The following ITGA10 variants were observed in gnomAD, a reference collection of about 807,000 sequenced individuals.
ITGA10 encodes integrin subunit alpha 10.
In ITGA10, 105 loss-of-function variants were observed where a neutral mutation model predicts 145.2. The observed-to-expected ratio is 0.72, with a 90% CI of 0.62 to 0.85. The LOEUF is 0.85. Among genes scored for constraint, ITGA10 ranks in the 40% least tolerant of loss-of-function variants. ITGA10 has a pLI of 0.00. For missense variants in ITGA10, 1,317 were observed against 1,444.5 expected, an observed-to-expected ratio of 0.91 and a Z score of 1.43; for synonymous variants, 506 against 557.8, an observed-to-expected ratio of 0.91 and a Z score of 1.31.
Position 145,892,417 on chromosome 1 carries a change from C to T in ITGA10, c.*381G>A, listed in dbSNP as rs115479360. On this transcript the variant is annotated 3_prime_UTR_variant, in exon 30 of 30. Transcript: ENST00000369304. ...GGGTGGAAGAATCGAGGAAGATAAC[C>T]CTCATCCTTTCCAAACTGTGAGGGA... 0.023 allele frequency: 4,272 copies of T among 182,264 alleles called. 223 individuals carry two copies. Among genetic ancestry groups the T allele is most frequent in the African/African-American group, 0.096 (4,074 of 42,358 alleles). 11.3% of individuals were successfully genotyped at this position (182,264 alleles called of 1,614,324 possible).
Position 145,901,046 on chromosome 1 carries a change from G to A in ITGA10, c.1588-53C>T. ...CTAATCTGGCAGACCCAACCTCTCA[G>A]CAAACCCTCAAATATGTGCACCTTC... On this transcript the variant is annotated intron_variant, in intron 13 of 29. Coordinates refer to ENST00000369304, the MANE Select transcript of ITGA10 (RefSeq NM_003637.5). This position sits in a 1 kb window ranked among gnomAD's most constrained non-coding sequence, Gnocchi z 4.3. 6.2e-7 allele frequency: 1 copy of A among 1,612,910 alleles called. No individual in the cohort carries two copies.
In ITGA10 at chr1:145,897,610, C is replaced by T. The variant is rs1553745709; in HGVS notation, c.2476G>A (p.Val826Ile). 2 of 1,614,078 alleles carry T rather than the reference C, an allele frequency of 1.2e-6. No individual in the cohort carries two copies. The highest frequency in any genetic ancestry group is 1.1e-5 in the South Asian group (1 of 91,074). Residue 826 changes from valine to isoleucine, a missense_variant, in exon 20 of 30, where the codon GTA (valine) becomes ATA (isoleucine). Coordinates refer to ENST00000369304, the MANE Select transcript of ITGA10 (RefSeq NM_003637.5). ...TTTCTGTTCTCCAGAGTTGTAGATA[C>T]CAGCACTTTCCGCCGGCCACCTCGA... ...VVRGGRRKVL[V>I]STTLENRKEN...
intron 1 of ITGA10, among the ~76,000 whole-genome samples, chr1:145,908,589 T>G (rs1448903295): frequency 2.0e-5 from 3 of 152,202 alleles, no homozygotes; most frequent in African/African-American, 7.2e-5. Context: ...AAACAATGAT[T>G]ACAGGGCACT....
At chr1:145,907,951 T>C (rs1422127642) in intron 1 of ITGA10, among the ~76,000 whole-genome samples, 1 of 151,750 alleles carries the variant, frequency 6.6e-6, no homozygotes, top group African/African-American at 2.4e-5. Flanking sequence ...TTCTTATTTT[T>C]AGTAGAGACG....
At chr1:145,906,373 C>T (rs1474773182) in intron 5 of ITGA10, 21 bp downstream of exon 5, 1 of 1,588,472 alleles carries the variant, frequency 6.3e-7, no homozygotes, top group Non-Finnish European at 8.6e-7. Context: ...GAACCAAGTA[C>T]TCAGCCTTCC....
At position 145,900,821 on chromosome 1, in the gene ITGA10, G is replaced by C; in HGVS notation, c.1760C>G (p.Thr587Ser). The change falls in exon 14 of 30, where the codon ACC becomes AGC. Residue 587 changes from threonine (T) to serine (S), a missense_variant. Transcript: ENST00000369304. ...HQGALYLYHGTQSGVRPHPAQ... is the reference protein window; with the variant it reads ...HQGALYLYHGSQSGVRPHPAQ... ...AGGATGGGGCCTGACTCCACTCTGG[G>C]TTCCATGGTACAGGTACAGTGCTCC... The C allele has an allele frequency of 6.2e-7, 1 of 1,614,094 alleles. No individual in the cohort carries two copies. The highest frequency in any genetic ancestry group is 8.5e-7 in the Non-Finnish European group (1 of 1,180,020).
At chr1:145,906,913 G>T in intron 3 of ITGA10, 89 bp from the exon 4 acceptor site, 2 of 1,184,934 alleles carry the variant, frequency 1.7e-6, no homozygotes, top group Non-Finnish European at 2.5e-6. Flanking sequence ...AATGAGCAGG[G>T]ATTGGTATCA....
intron 17 of ITGA10, 102 bp from the exon 18 acceptor site, chr1:145,898,325 A>ACTG: frequency 1.8e-6 from 1 of 565,286 alleles, no homozygotes; most frequent in Non-Finnish European, 3.2e-6. Flanking sequence ...CTGTCCTAAG[A>ACTG]TCTTAACTGT....
chr1:145,906,218 CACA>C, intron 5 of ITGA10, 173 bp downstream of exon 5: 1 of 557,502 alleles, frequency 1.8e-6, no homozygotes, highest in Non-Finnish European at 3.2e-6. Flanking sequence ...TGTGGGCCAC[CACA>C]CCTGGCCAGG....
rs587644201 is a variant in ITGA10 at position 145,895,703 on chromosome 1, G to A, written c.3042C>T (p.Cys1014=). Residue 1014 remains cysteine, a synonymous_variant, in exon 26 of 30, where the codon TGC becomes TGT. Transcript: ENST00000369304. ...GGGGTTCAGTCAGGTTCTGCACTATGCAGCTTGCCTAGAGGAAGATCCAAC... is the reference window on the plus strand; with the variant it reads ...GGGGTTCAGTCAGGTTCTGCACTATACAGCTTGCCTAGAGGAAGATCCAAC... ...LSQVITNNAS[C]IVQNLTEPPG... 4 of 1,614,216 alleles carry A rather than the reference G, an allele frequency of 2.5e-6. No individual in the cohort carries two copies. In the South Asian group the frequency reaches 4.4e-5, roughly 18 times the overall value.
rs1298145678 is a variant in ITGA10, at chr1:145,902,523, T to G, written c.1006A>C (p.Asn336His). ...GTCAGAGCAGCCTCATCTGTGACAT[T>G]GAAGAAGAATCGCTCATCTGGATCA... ...ASDPDERFFF[N>H]VTDEAALTDI... The change falls in exon 9 of 30, where the codon AAT (asparagine) becomes CAT (histidine). Residue 336 changes from asparagine (N) to histidine (H), a missense_variant. Coordinates refer to ENST00000369304, the MANE Select transcript of ITGA10 (RefSeq NM_003637.5). 23 of 1,613,810 alleles carry G rather than the reference T, an allele frequency of 1.4e-5. No individual in the cohort carries two copies. Among genetic ancestry groups the G allele is most frequent in the Non-Finnish European group, 1.8e-5 (21 of 1,179,946 alleles).
intron 27 of ITGA10, among the ~76,000 whole-genome samples, chr1:145,894,260 T>C (rs182837114): frequency 0.029 from 4,374 of 151,554 alleles, 231 homozygotes; most frequent in African/African-American, 0.099. Context: ...TATAGGCGCC[T>C]GCCACCACAC....
In ITGA10 at chr1:145,901,160, C is replaced by T. The variant is rs928166197; in HGVS notation, c.1562G>A (p.Arg521His). ...CTGGCCTACCAGATACACATAAACA[C>T]GTCCTGTTTCCTTGTTCTGGGGTCC... ...FLGPQNKETG[R>H]VYVYLVGQQS... Residue 521 changes from arginine (R) to histidine (H), a missense_variant, in exon 13 of 30, where the codon CGT becomes CAT. By Grantham distance (29) the Arg-to-His change is conservative. Transcript: ENST00000369304. The surrounding 1 kb of genome is among the most constrained non-coding windows in gnomAD (Gnocchi z 4.3). 9.9e-6 allele frequency: 16 copies of T among 1,613,986 alleles called. No homozygotes were observed. In the East Asian group the frequency reaches 1.1e-4, roughly 11 times the overall value.
At chr1:145,900,550 A>G (rs1486090354) in intron 14 of ITGA10, among the ~76,000 whole-genome samples, 1 of 152,054 alleles carries the variant, frequency 6.6e-6, no homozygotes, top group African/African-American at 2.4e-5. Flanking sequence ...GGCGTGAACC[A>G]CCACACCCGG....
At position 145,904,194 on chromosome 1, in the gene ITGA10, G is replaced by C. The variant is rs962625090; in HGVS notation, c.616C>G (p.Leu206Val). The C allele has an allele frequency of 6.2e-7, 1 of 1,614,126 alleles. No homozygotes were observed. The highest frequency in any genetic ancestry group is 8.5e-7 in the Non-Finnish European group (1 of 1,180,000). ...FIDPEQIQVG[L>V]VQYGESPVHE... Reference sequence around the variant, plus strand: ...ACAGGGCTCTCCCCATACTGTACCAGTCCCACCTGGGAATAAAGCGCATTC... The same window carrying C: ...ACAGGGCTCTCCCCATACTGTACCACTCCCACCTGGGAATAAAGCGCATTC... Residue 206 changes from leucine to valine, a missense_variant, in exon 7 of 30, where the codon CTG (leucine) becomes GTG (valine). Physicochemically the swap from Leu to Val is conservative, Grantham distance 32. Coordinates refer to ENST00000369304, the MANE Select transcript of ITGA10 (RefSeq NM_003637.5).
Position 145,895,198 on chromosome 1 carries a change from G to A in ITGA10, c.3228+82C>T, listed in dbSNP as rs1001052461. 1.8e-5 allele frequency: 17 copies of A among 922,012 alleles called. No individual in the cohort carries two copies. The East Asian group carries it at 2.3e-4, about 13-fold the overall frequency. 57.1% of individuals were successfully genotyped at this position (922,012 alleles called of 1,614,324 possible). On this transcript the variant is annotated intron_variant, in intron 27 of 29. Coordinates refer to ENST00000369304, the MANE Select transcript of ITGA10 (RefSeq NM_003637.5). ...TAAGAGGCAAAAGTGAAACTTGAAC[G>A]TGGGTCTGTCTACCTCCAAAACCTA...
rs1553748286 is a variant in ITGA10, at chr1:145,901,291, G to A, written c.1444-13C>T. ...AGTATGAACCAATCTGGGGAATGGT[G>A]GGTGATGATGACCCCAGAGAAAAGG... On this transcript the variant is annotated splice_polypyrimidine_tract_variant and intron_variant, in intron 12 of 29. Coordinates refer to ENST00000369304, the MANE Select transcript of ITGA10 (RefSeq NM_003637.5). This position sits in a 1 kb window ranked among gnomAD's most constrained non-coding sequence, Gnocchi z 4.3. 6.2e-7 allele frequency: 1 copy of A among 1,613,652 alleles called. No homozygotes were observed. Among genetic ancestry groups the A allele is most frequent in the Non-Finnish European group, 8.5e-7 (1 of 1,179,704 alleles).
At chr1:145,895,447 C>A in intron 26 of ITGA10, 54 bp from the exon 27 acceptor site, 1 of 1,468,804 alleles carries the variant, frequency 6.8e-7, no homozygotes, top group Non-Finnish European at 9.5e-7. Flanking sequence ...GAAACATCCT[C>A]TTTCCCCACC....
At chr1:145,893,660 C>A in intron 27 of ITGA10, 25 bp from the exon 28 acceptor site, 1 of 1,564,772 alleles carries the variant, frequency 6.4e-7, no homozygotes, top group Non-Finnish European at 8.8e-7. Context: ...GATAGGAAGA[C>A]ATTTAAAATG....
Sources: allele counts gnomAD v4.1 joint callset (sites outside exome capture counted in the v4.1 genomes callset), GRCh38; gene constraint gnomAD v4.1.1; non-coding constraint Gnocchi (gnomAD v3.1); transcripts MANE v1.5; gene names NCBI Gene and HGNC (gene_info 2026-07-23, HGNC 2026-07-21).